Variants in MSH3 observed in about 807,000 individuals in gnomAD.
The protein encoded by MSH3 is mutS homolog 3, also known as DNA mismatch repair protein Msh3.
Under a neutral mutation model 123.3 loss-of-function variants are expected in MSH3, and 106 were observed. The observed-to-expected ratio is 0.86, with a 90% CI of 0.73 to 1.01. The LOEUF is 1.01. Ranked by LOEUF, MSH3 falls within the 50% of genes least tolerant of loss-of-function variation. The pLI is 0.00. For synonymous variants in MSH3, 515 were observed against 481.4 expected (o/e 1.07, Z -0.91); for missense variants, 1,459 against 1,347.6 (o/e 1.08, Z -1.29).
At chr5:80,836,221 G>A (rs955051116) in intron 20 of MSH3, among the ~76,000 whole-genome samples, 4 of 152,048 alleles carry the variant, frequency 2.6e-5, no homozygotes, top group Non-Finnish European at 4.4e-5. Flanking sequence ...TTTAATTTTG[G>A]ACATTCACAA....
Position 80,778,729 on chromosome 5 carries a change from T to G in MSH3, c.2328T>G (p.Ala776=). The change falls in exon 17 of 24, where the codon GCT becomes GCG. Residue 776 remains alanine (A), a synonymous_variant. Coordinates refer to ENST00000265081, the MANE Select transcript of MSH3 (RefSeq NM_002439.5). The part of the protein sequence containing the change: ...TDWVKVGSTK[A]VSRFHSPFIV... ...CTTTCCCCTCTTCTAGCACAAAAGC[T>G]GTGAGCCGCTTTCACTCTCCTTTTA... 1 of 1,601,456 alleles carries G rather than the reference T, an allele frequency of 6.2e-7. No homozygotes were observed. The highest frequency in any genetic ancestry group is 8.6e-7 in the Non-Finnish European group (1 of 1,168,490).
intron 8 of MSH3, among the ~76,000 whole-genome samples, chr5:80,696,079 T>C (rs1428778161): frequency 6.6e-6 from 1 of 152,116 alleles, no homozygotes; most frequent in African/African-American, 2.4e-5. Context: ...TACTGCTGGG[T>C]CCCTGGAGGA....
intron 8 of MSH3, among the ~76,000 whole-genome samples, chr5:80,680,700 TTC>T (rs911844456): frequency 2.6e-5 from 4 of 152,122 alleles, no homozygotes; most frequent in Admixed American, 2.0e-4. Flanking sequence ...GCTTCAGCAT[TTC>T]TCAGGACCAT....
Position 80,678,634 on chromosome 5 carries a change from G to A in MSH3, c.1174-293G>A, listed in dbSNP as rs375665669. Among the ~76,000 whole-genome samples the A allele has an allele frequency of 3.3e-5, 5 of 152,272 alleles. No individual in the cohort carries two copies. The East Asian group carries it at 7.7e-4, about 23-fold the overall frequency. On this transcript the variant is annotated intron_variant, in intron 7 of 23. Transcript: ENST00000265081. ...TTCCATTTACAGAGGAAGAAACTGA[G>A]GCCTGGCAGTGTTTGGTAACTTGCC...
intron 13 of MSH3, 42 bp downstream of exon 13, chr5:80,761,720 A>T: frequency 6.2e-7 from 1 of 1,611,480 alleles, no homozygotes; most frequent in Non-Finnish European, 8.5e-7. Flanking sequence ...AGTGTTCTTC[A>T]GCTTGAGGAC....
chr5:80,690,783 C>T (rs1228117975), intron 8 of MSH3, among the ~76,000 whole-genome samples: 1 of 152,040 alleles, frequency 6.6e-6, no homozygotes, highest in Non-Finnish European at 1.5e-5. Flanking sequence ...AAGACCTTAA[C>T]CTAAGATCAT....
chr5:80,873,662 C>A (rs1379938162), intron 23 of MSH3, among the ~76,000 whole-genome samples: 3 of 152,074 alleles, frequency 2.0e-5, no homozygotes, highest in Non-Finnish European at 4.4e-5. Flanking sequence ...ACGATTACAT[C>A]CAGAAATTCT....
intron 2 of MSH3, 61 bp downstream of exon 2, chr5:80,656,592 A>G: frequency 2.5e-6 from 4 of 1,604,424 alleles, no homozygotes; most frequent in Non-Finnish European, 3.4e-6. Context: ...GGAATTCTCC[A>G]GAGGGCAGAA....
At chr5:80,778,938 C>T (rs980086307) in intron 17 of MSH3, 102 bp downstream of exon 17, 5 of 747,646 alleles carry the variant, frequency 6.7e-6, no homozygotes, top group African/African-American at 3.5e-5. Flanking sequence ...GCTCATGACC[C>T]ACCATAAAAT....
At chr5:80,680,422 CAA>C (rs146271102) in intron 8 of MSH3, among the ~76,000 whole-genome samples, 3 of 144,008 alleles carry the variant, frequency 2.1e-5, no homozygotes, top group African/African-American at 7.6e-5. Context: ...ATTCAGAAGA[CAA>C]AAAAAAAAGG....
chr5:80,730,692 A>G (rs760910030), intron 10 of MSH3, among the ~76,000 whole-genome samples: 87 of 152,132 alleles, frequency 5.7e-4, no homozygotes, highest in Non-Finnish European at 1.0e-3. Flanking sequence ...TGACTTGTTC[A>G]TGATAGGGAC....
At chr5:80,874,402 C>G (rs1746272237) in intron 23 of MSH3, among the ~76,000 whole-genome samples, 2 of 152,176 alleles carry the variant, frequency 1.3e-5, no homozygotes, top group African/African-American at 4.8e-5. Context: ...TTTTCTGGCT[C>G]ATTTCCAAAT....
chr5:80,822,714 G>A (rs905004045), intron 20 of MSH3, among the ~76,000 whole-genome samples: 1 of 152,174 alleles, frequency 6.6e-6, no homozygotes, highest in Non-Finnish European at 1.5e-5. Context: ...GGCCATAATA[G>A]AATTGAGAAT....
intron 19 of MSH3, among the ~76,000 whole-genome samples, chr5:80,801,201 T>C (rs940039337): frequency 3.3e-5 from 5 of 152,154 alleles, no homozygotes; most frequent in African/African-American, 1.2e-4. Flanking sequence ...ACAAGTTCTG[T>C]TTTACTTTTT....
intron 22 of MSH3, among the ~76,000 whole-genome samples, chr5:80,872,883 A>C (rs1746245380): frequency 6.6e-6 from 1 of 152,242 alleles, no homozygotes; most frequent in African/African-American, 2.4e-5. Flanking sequence ...TCATTGTTAA[A>C]AACTATTTTA....
At chr5:80,818,287 A>G (rs1745140313) in intron 20 of MSH3, among the ~76,000 whole-genome samples, 1 of 151,904 alleles carries the variant, frequency 6.6e-6, no homozygotes, top group South Asian at 2.1e-4. Context: ...GAAAAAGAGA[A>G]TAGAGGAACA....
At chr5:80,699,456 G>T (rs1477940200) in intron 8 of MSH3, among the ~76,000 whole-genome samples, 1 of 151,110 alleles carries the variant, frequency 6.6e-6, no homozygotes, top group Non-Finnish European at 1.5e-5. Flanking sequence ...TACTTGGGAG[G>T]CTGAGGCAGG....
chr5:80,846,608 A>G (rs1312897284), intron 20 of MSH3, among the ~76,000 whole-genome samples: 1 of 152,150 alleles, frequency 6.6e-6, no homozygotes, highest in Non-Finnish European at 1.5e-5. Flanking sequence ...GAGCTACTCA[A>G]GCCTCAGCAA....
intron 8 of MSH3, among the ~76,000 whole-genome samples, chr5:80,685,102 A>G (rs925864134): frequency 1.3e-5 from 2 of 151,934 alleles, no homozygotes; most frequent in Non-Finnish European, 2.9e-5. Flanking sequence ...ATATTCATCA[A>G]GAGATATTGG....
Sources: gnomAD v4.1 joint callset for allele counts (sites outside exome capture counted in the v4.1 genomes callset) on GRCh38, gnomAD v4.1.1 for gene constraint, MANE v1.5 for transcripts, NCBI Gene and HGNC (gene_info 2026-07-23, HGNC 2026-07-21) for gene names.